The following NELL1 variants were observed in gnomAD, a reference collection of about 807,000 sequenced individuals.
NELL1 encodes protein kinase C-binding protein NELL1.
Under a neutral mutation model 107.4 loss-of-function variants are expected in NELL1, and 76 were observed. That is an observed-to-expected ratio of 0.71 (90% CI 0.59 to 0.86). The LOEUF is 0.86. Among genes scored for constraint, NELL1 ranks in the 40% least tolerant of loss-of-function variants. NELL1 has a pLI of 0.00. For synonymous variants in NELL1, 353 were observed against 341.2 expected, an observed-to-expected ratio of 1.03 and a Z score of -0.38; for missense variants, 1,024 against 1,005.5, an observed-to-expected ratio of 1.02 and a Z score of -0.25.
At chr11:21,128,744 T>C (rs1382171136) in intron 13 of NELL1, among the ~76,000 whole-genome samples, 1 of 152,184 alleles carries the variant, frequency 6.6e-6, no homozygotes, top group South Asian at 2.1e-4. Context: ...AGTAAATGAC[T>C]GTTACATCAC....
At chr11:21,076,258 T>A (rs973910015) in intron 12 of NELL1, among the ~76,000 whole-genome samples, 9 of 152,230 alleles carry the variant, frequency 5.9e-5, no homozygotes, top group Admixed American at 4.6e-4. Context: ...GGATACCACA[T>A]TCTAGGTGGA....
chr11:21,036,875 A>G (rs1001318614), intron 12 of NELL1, among the ~76,000 whole-genome samples: 7 of 152,090 alleles, frequency 4.6e-5, no homozygotes, highest in African/African-American at 1.7e-4. Flanking sequence ...AAAACATGAA[A>G]AACATTTATT....
chr11:21,298,435 G>T (rs1197242624), intron 14 of NELL1, among the ~76,000 whole-genome samples: 1 of 151,542 alleles, frequency 6.6e-6, no homozygotes, highest in Non-Finnish European at 1.5e-5. Context: ...CCCTTCTTTG[G>T]TGCTCAGCTC....
At chr11:21,564,477 G>A (rs1349781508) in intron 17 of NELL1, among the ~76,000 whole-genome samples, 1 of 151,862 alleles carries the variant, frequency 6.6e-6, no homozygotes. Context: ...ACCAGGGTCT[G>A]CAAGTTGGGC....
chr11:21,268,968 GA>G (rs1324730311), intron 14 of NELL1, among the ~76,000 whole-genome samples: 2 of 152,002 alleles, frequency 1.3e-5, no homozygotes, highest in Non-Finnish European at 2.9e-5. Context: ...AGAAAGGATT[GA>G]AAAGAAATGC....
At chr11:21,018,147 G>T (rs1404733840) in intron 12 of NELL1, among the ~76,000 whole-genome samples, 1 of 152,038 alleles carries the variant, frequency 6.6e-6, no homozygotes, top group Non-Finnish European at 1.5e-5. Context: ...TTACATATTT[G>T]TGTATTTGTA....
chr11:21,001,726 A>G (rs1429978531), intron 12 of NELL1, among the ~76,000 whole-genome samples: 1 of 149,922 alleles, frequency 6.7e-6, no homozygotes, highest in Non-Finnish European at 1.5e-5. Context: ...TTGGGCAATC[A>G]ACGGGGAGCT....
chr11:21,280,115 A>T (rs1262654679), intron 14 of NELL1, among the ~76,000 whole-genome samples: 1 of 152,186 alleles, frequency 6.6e-6, no homozygotes, highest in Non-Finnish European at 1.5e-5. Flanking sequence ...ACTACTCTGT[A>T]ATGATACTAC....
chr11:20,784,292 T>G (rs402194), intron 3 of NELL1, among the ~76,000 whole-genome samples: 1 of 152,128 alleles, frequency 6.6e-6, no homozygotes, highest in Non-Finnish European at 1.5e-5. Context: ...GCCAGAAGGT[T>G]GTAATCAGGA....
At chr11:21,284,154 C>T (rs1341385909) in intron 14 of NELL1, 1 of 438,322 alleles carries the variant, frequency 2.3e-6, no homozygotes, top group Non-Finnish European at 4.6e-6. Flanking sequence ...ACTGACGACA[C>T]CCTGCCACCA....
chr11:21,529,394 G>A (rs1461924346), intron 15 of NELL1, among the ~76,000 whole-genome samples: 1 of 152,154 alleles, frequency 6.6e-6, no homozygotes, highest in Non-Finnish European at 1.5e-5. Context: ...AGAAACAAGA[G>A]ATAGAAGAAC....
chr11:20,965,931 T>G (rs1188543072), intron 12 of NELL1, among the ~76,000 whole-genome samples: 1 of 152,106 alleles, frequency 6.6e-6, no homozygotes, highest in Non-Finnish European at 1.5e-5. Flanking sequence ...GTAGAGGAAA[T>G]GGGCTAGTTT....
At chr11:21,351,523 A>T (rs1452247675) in intron 14 of NELL1, among the ~76,000 whole-genome samples, 1 of 101,210 alleles carries the variant, frequency 9.9e-6, no homozygotes, top group Admixed American at 8.8e-5. Flanking sequence ...TATTTCCAGT[A>T]AAAAAAAAAA....
chr11:21,305,852 AT>A (rs943278781), intron 14 of NELL1, among the ~76,000 whole-genome samples: 1 of 151,978 alleles, frequency 6.6e-6, no homozygotes, highest in Non-Finnish European at 1.5e-5. Context: ...GACATTTAAG[AT>A]TTCAAATTTT....
intron 4 of NELL1, among the ~76,000 whole-genome samples, chr11:20,850,136 GCACGA>G (rs1387604262): frequency 2.6e-5 from 4 of 152,196 alleles, no homozygotes; most frequent in African/African-American, 9.7e-5. Flanking sequence ...AGTGTCTAAT[GCACGA>G]AACAAACTTT....
chr11:21,239,122 A>C (rs1389613926), intron 14 of NELL1, among the ~76,000 whole-genome samples: 1 of 152,054 alleles, frequency 6.6e-6, no homozygotes, highest in African/African-American at 2.4e-5. Flanking sequence ...GCACGATGAA[A>C]AATCCACTGA....
At chr11:21,001,651 G>A (rs1852223661) in intron 12 of NELL1, among the ~76,000 whole-genome samples, 2 of 151,924 alleles carry the variant, frequency 1.3e-5, no homozygotes, top group Admixed American at 1.3e-4. Flanking sequence ...AAAATGAAGA[G>A]GAAAGAAAGA....
chr11:21,199,382 T>G (rs1857218593), intron 13 of NELL1, among the ~76,000 whole-genome samples: 1 of 152,116 alleles, frequency 6.6e-6, no homozygotes, highest in Non-Finnish European at 1.5e-5. Context: ...CTTCCTAAGC[T>G]CCAGGGGCTT....
chr11:21,306,280 C>T (rs188156934), intron 14 of NELL1, among the ~76,000 whole-genome samples: 23 of 151,996 alleles, frequency 1.5e-4, no homozygotes, highest in African/African-American at 2.2e-4. Context: ...ACTGACATGA[C>T]GGGTCATTTC....
Sources: gnomAD v4.1 joint callset for allele counts (sites outside exome capture counted in the v4.1 genomes callset) on GRCh38, gnomAD v4.1.1 for gene constraint, MANE v1.5 for transcripts, NCBI Gene and HGNC (gene_info 2026-07-23, HGNC 2026-07-21) for gene names.